The following KCNAB2 variants were observed in gnomAD, a reference collection of about 807,000 sequenced individuals.
KCNAB2 encodes the protein potassium voltage-gated channel subfamily A regulatory beta subunit 2, also known as voltage-gated potassium channel subunit beta-2.
KCNAB2 carries 29 observed loss-of-function variants against 63.6 expected under a neutral mutation model. The ratio of observed to expected loss-of-function variants is 0.46; its 90% CI spans 0.34 to 0.62. KCNAB2 has a LOEUF of 0.62. Among genes scored for constraint, KCNAB2 ranks in the 20% least tolerant of loss-of-function variants. The probability of loss-of-function intolerance (pLI) is 0.01; values close to 1 mark genes in which losing one functional copy is unlikely to be tolerated. For missense variants in KCNAB2, 359 were observed against 563.9 expected (o/e 0.64, Z 3.68); for synonymous variants, 222 against 224.2 (o/e 0.99, Z 0.09).
rs1352095472 is a variant in KCNAB2 at position 6,028,388 on chromosome 1, A to G, written c.-52-12129A>G. ...CATGGTTTTGTGTTATACAGTAGTCACGGCAGATACTTCGGGGGCTTGGCA... is the reference window on the plus strand; with the variant it reads ...CATGGTTTTGTGTTATACAGTAGTCGCGGCAGATACTTCGGGGGCTTGGCA... On this transcript the variant is annotated intron_variant, in intron 1 of 16. Transcript: ENST00000341524. This position sits in a 1 kb window ranked among gnomAD's most constrained non-coding sequence, Gnocchi z 4.0. 6.6e-6 allele frequency among the ~76,000 whole-genome samples: 1 copy of G among 152,182 alleles called. No individual in the cohort carries two copies. The highest frequency in any genetic ancestry group is 1.5e-5 in the Non-Finnish European group (1 of 68,030).
intron 5 of KCNAB2, 58 bp from the exon 6 acceptor site, chr1:6,085,146 G>T: frequency 2.5e-6 from 4 of 1,589,184 alleles, no homozygotes; most frequent in Non-Finnish European, 3.5e-6. Flanking sequence ...GGCCACAGTG[G>T]GTCTGGGTTT....
At chr1:6,042,808 C>T (rs1660599000), upstream of KCNAB2, among the ~76,000 whole-genome samples, 1 of 148,562 alleles carries the variant, frequency 6.7e-6, no homozygotes, top group African/African-American at 2.5e-5. Flanking sequence ...AATGTATTTC[C>T]ATGTAGCTTT....
chr1:6,040,854 A>G (rs975340580), intron 2 of KCNAB2, among the ~76,000 whole-genome samples: 12 of 152,260 alleles, frequency 7.9e-5, no homozygotes, highest in Non-Finnish European at 1.6e-4. Context: ...GTGGGAAAGA[A>G]AAACCAAAAC....
chr1:6,090,001 C>T (rs1256419618), intron 8 of KCNAB2, among the ~76,000 whole-genome samples: 1 of 152,266 alleles, frequency 6.6e-6, no homozygotes, highest in Non-Finnish European at 1.5e-5. Context: ...CACGCCCGAC[C>T]ATAGACACTA....
chr1:6,038,398 C>A (rs1208599489), intron 1 of KCNAB2, among the ~76,000 whole-genome samples: 4 of 152,194 alleles, frequency 2.6e-5, no homozygotes, highest in African/African-American at 9.7e-5. Context: ...TCAAGCAATC[C>A]TCCCACCTCA....
chr1:6,066,894 G>T (rs1662801729), intron 2 of KCNAB2, among the ~76,000 whole-genome samples: 1 of 152,246 alleles, frequency 6.6e-6, no homozygotes, highest in Non-Finnish European at 1.5e-5. Context: ...CAGGCACCTT[G>T]CTTCCCTCCA....
chr1:5,993,226 C>T (rs537767013), intron 1 of KCNAB2, among the ~76,000 whole-genome samples: 1 of 151,876 alleles, frequency 6.6e-6, no homozygotes, highest in Non-Finnish European at 1.5e-5. Flanking sequence ...CCCCATCTCT[C>T]CTCCTGATCG....
At chr1:6,044,569 T>C (rs571270342), upstream of KCNAB2, among the ~76,000 whole-genome samples, 3 of 152,206 alleles carry the variant, frequency 2.0e-5, no homozygotes, top group Admixed American at 6.5e-5. Flanking sequence ...AAAGAGAGGC[T>C]GGCTGTAGAG....
chr1:6,063,283 A>G (rs1272263616), intron 2 of KCNAB2, among the ~76,000 whole-genome samples: 1 of 151,624 alleles, frequency 6.6e-6, no homozygotes, highest in Non-Finnish European at 1.5e-5. Flanking sequence ...TCAGCCTCCC[A>G]AAGTTCTGGG....
In KCNAB2 at chr1:6,100,766, G is replaced by A. The variant is rs954510320; in HGVS notation, c.*2192G>A. On this transcript the variant is annotated 3_prime_UTR_variant, in exon 16 of 16. Coordinates refer to ENST00000378083, the MANE Select transcript of KCNAB2 (RefSeq NM_001199862.2). The stretch of plus-strand genomic sequence containing the variant: ...CTTGCTCCACACCCATCTACAGGGA[G>A]GATGTGAGGGGGCTCTGCCTCCTAG... 2 of 152,304 alleles carry A rather than the reference G, an allele frequency of 1.3e-5. No individual in the cohort carries two copies. The highest frequency in any genetic ancestry group is 4.8e-5 in the African/African-American group (2 of 41,456). The allele number at this position is 152,304 out of a possible 1,614,324, so 9.4% of individuals were successfully genotyped here.
chr1:6,087,722 C>T lies in KCNAB2; in HGVS notation c.470+211C>T, dbSNP rs1252410621. Among the ~76,000 whole-genome samples, 5 of 152,248 alleles carry T rather than the reference C, an allele frequency of 3.3e-5. No homozygotes were observed. The highest frequency in any genetic ancestry group is 2.6e-4 in the Admixed American group (4 of 15,292). On this transcript the variant is annotated intron_variant, in intron 7 of 15. Coordinates refer to ENST00000378083, the MANE Select transcript of KCNAB2 (RefSeq NM_001199862.2). This position sits in a 1 kb window ranked among gnomAD's most constrained non-coding sequence, Gnocchi z 6.4. ...GCAGAGCTGGTGTTTCTGCAGCCAT[C>T]AGCTATGCCTGGTGCCTGTCCCTGT...
intron 1 of KCNAB2, among the ~76,000 whole-genome samples, chr1:6,015,034 T>TG (rs796457616): frequency 0.02 from 2,592 of 128,452 alleles, 89 homozygotes; most frequent in Admixed American, 0.068. Flanking sequence ...TTTTTTTTTT[T>TG]TTTTTTTTGT....
chr1:6,088,113 G>A (rs775368012), intron 7 of KCNAB2, among the ~76,000 whole-genome samples: 7 of 151,376 alleles, frequency 4.6e-5, no homozygotes, highest in South Asian at 2.1e-4. Context: ...AGGTTGGAGC[G>A]CAGTGCCACA....
chr1:6,005,921 TCCCCCCAC>T (rs1657653893), intron 1 of KCNAB2, among the ~76,000 whole-genome samples: 1 of 102,152 alleles, frequency 9.8e-6, no homozygotes, highest in Non-Finnish European at 1.9e-5. Flanking sequence ...AGCTCCCACA[TCCCCCCAC>T]TCCACCCTCA....
rs1259722759 is a variant in KCNAB2, at chr1:6,071,742, G to T, written c.219-1013G>T. 1.3e-5 allele frequency among the ~76,000 whole-genome samples: 2 copies of T among 151,790 alleles called. No individual in the cohort carries two copies. The highest frequency in any genetic ancestry group is 2.4e-5 in the African/African-American group (1 of 41,314). ...GCTGCGTAGGACTCCTGCGGCGAGG[G>T]CTCCCTCCTGCCGCGTGGGCTCCTC... On this transcript the variant is annotated intron_variant, in intron 2 of 15. Transcript: ENST00000378083. The surrounding 1 kb of genome is among the most constrained non-coding windows in gnomAD (Gnocchi z 8.5).
At chr1:6,053,848 G>T (rs936337199) in intron 2 of KCNAB2, among the ~76,000 whole-genome samples, 1 of 151,928 alleles carries the variant, frequency 6.6e-6, no homozygotes, top group African/African-American at 2.4e-5. Flanking sequence ...TTAGGAGGCA[G>T]CCTGGGTAAC....
At chr1:6,094,566 G>T in intron 11 of KCNAB2, 81 bp downstream of exon 11, 1 of 1,217,322 alleles carries the variant, frequency 8.2e-7, no homozygotes, top group South Asian at 1.3e-5. Context: ...AAGCTCTGGC[G>T]GGGTCTGTGC....
upstream of KCNAB2, among the ~76,000 whole-genome samples, chr1:6,031,611 G>C (rs768847703): frequency 2.0e-5 from 3 of 152,178 alleles, no homozygotes; most frequent in East Asian, 1.9e-4. This position sits in a 1 kb window ranked among gnomAD's most constrained non-coding sequence, Gnocchi z 4.1. Context: ...CCCTGGCCGG[G>C]TGCAGTGGCT....
chr1:6,095,765 T>G (rs1269292969), intron 13 of KCNAB2, 141 bp downstream of exon 13: 4 of 764,774 alleles, frequency 5.2e-6, no homozygotes, highest in Admixed American at 4.4e-5. Flanking sequence ...GGGGGCGGGC[T>G]CCTTGGCGTG....
Sources: gnomAD v4.1 joint callset for allele counts (sites outside exome capture counted in the v4.1 genomes callset) on GRCh38, gnomAD v4.1.1 for gene constraint, Gnocchi (gnomAD v3.1) non-coding constraint, MANE v1.5 for transcripts, NCBI Gene and HGNC (gene_info 2026-07-23, HGNC 2026-07-21) for gene names.